The following LRRC7 variants were observed in gnomAD, a reference collection of about 807,000 sequenced individuals.
The protein encoded by LRRC7 is leucine-rich repeat-containing protein 7.
In LRRC7, 23 loss-of-function variants were observed where a neutral mutation model predicts 175.7. That is an observed-to-expected ratio of 0.13 (90% CI 0.09 to 0.19). The LOEUF is 0.19. LRRC7 is among the 10% of genes least tolerant of loss of function. The pLI is 1.00. For missense variants in LRRC7, 1,354 were observed against 1,904.7 expected (o/e 0.71, Z 5.38); for synonymous variants, 685 against 680.9 (o/e 1.01, Z -0.09).
chr1:69,992,174 A>T (rs1393544878), intron 10 of LRRC7, among the ~76,000 whole-genome samples: 1 of 152,158 alleles, frequency 6.6e-6, no homozygotes, highest in Non-Finnish European at 1.5e-5. Context: ...CTATTGTTAC[A>T]ATATAATATT....
At chr1:69,587,951 G>T (rs572190265) in intron 1 of LRRC7, among the ~76,000 whole-genome samples, 1 of 152,068 alleles carries the variant, frequency 6.6e-6, no homozygotes, top group African/African-American at 2.4e-5. Flanking sequence ...GGACTAATAC[G>T]CCTTCCTATG....
chr1:69,950,747 G>A (rs760638871), intron 8 of LRRC7, among the ~76,000 whole-genome samples: 1 of 151,930 alleles, frequency 6.6e-6, no homozygotes, highest in Admixed American at 6.6e-5. Flanking sequence ...CAGAACTAAG[G>A]TGGAAACAGA....
In LRRC7 at chr1:70,038,098, C is replaced by T; in HGVS notation, c.2289-15C>T. On this transcript the variant is annotated splice_polypyrimidine_tract_variant and intron_variant, in intron 20 of 26. Transcript: ENST00000651989. ...CTTCGTCCTTTTCAATTTCTTCTTCCCATTGTGTTCACAGGATTGCACCAT... is the reference window on the plus strand; with the variant it reads ...CTTCGTCCTTTTCAATTTCTTCTTCTCATTGTGTTCACAGGATTGCACCAT... 1 of 1,575,522 alleles carries T rather than the reference C, an allele frequency of 6.3e-7. No individual in the cohort carries two copies. Among genetic ancestry groups the T allele is most frequent in the East Asian group, 2.2e-5 (1 of 44,574 alleles).
At chr1:69,833,609 C>T (rs1570224930) in intron 5 of LRRC7, among the ~76,000 whole-genome samples, 2 of 151,714 alleles carry the variant, frequency 1.3e-5, no homozygotes, top group East Asian at 3.9e-4. Flanking sequence ...GAAGATAAAC[C>T]ATGGAATAAA....
At chr1:69,923,788 CAG>C in intron 7 of LRRC7, among the ~76,000 whole-genome samples, 1 of 152,102 alleles carries the variant, frequency 6.6e-6, no homozygotes, top group Non-Finnish European at 1.5e-5. Context: ...TTTTGCTGTG[CAG>C]AAGCTCTTTA....
At position 70,140,413 on chromosome 1, in the gene LRRC7, C is replaced by A. The variant is rs1357670343; in HGVS notation, c.*18526C>A. ...TTCATTGATCTGGCCACATAAGGAACATCCTGTTTCTTTAAATCCTCAATG... is the reference window on the plus strand; with the variant it reads ...TTCATTGATCTGGCCACATAAGGAAAATCCTGTTTCTTTAAATCCTCAATG... On this transcript the variant is annotated 3_prime_UTR_variant, in exon 27 of 27. Transcript: ENST00000651989. 1 of 152,152 alleles carries A rather than the reference C, an allele frequency of 6.6e-6. No homozygotes were observed. Among genetic ancestry groups the A allele is most frequent in the Non-Finnish European group, 1.5e-5 (1 of 68,010 alleles). 9.4% of individuals were successfully genotyped at this position (152,152 alleles called of 1,614,324 possible).
At chr1:69,646,036 A>G (rs2100455949) in intron 1 of LRRC7, among the ~76,000 whole-genome samples, 1 of 152,246 alleles carries the variant, frequency 6.6e-6, no homozygotes, top group East Asian at 1.9e-4. Flanking sequence ...AAATTTTGGA[A>G]GTCAAGTTAT....
At position 69,994,527 on chromosome 1, in the gene LRRC7, C is replaced by T. The variant is rs375578941; in HGVS notation, c.932-34C>T. 1.9e-4 allele frequency: 262 copies of T among 1,356,594 alleles called. 2 individuals are homozygous for T. Among genetic ancestry groups the T allele is most frequent in the Non-Finnish European group, 2.5e-4 (239 of 949,592 alleles). The allele number at this position is 1,356,594 out of a possible 1,614,324, so 84.0% of individuals were successfully genotyped here. Reference sequence around the variant, plus strand: ...ATCACATTTCCTGTCATAATCTGCTCTTATGTATTAATCAACCTTCTTCTC... The same window carrying T: ...ATCACATTTCCTGTCATAATCTGCTTTTATGTATTAATCAACCTTCTTCTC... On this transcript the variant is annotated intron_variant, in intron 10 of 26. Coordinates refer to ENST00000651989, the MANE Select transcript of LRRC7 (RefSeq NM_001370785.2).
intron 8 of LRRC7, among the ~76,000 whole-genome samples, chr1:69,935,029 A>C (rs1189031395): frequency 6.6e-6 from 1 of 152,232 alleles, no homozygotes; most frequent in African/African-American, 2.4e-5. Context: ...AGCCCAGCCC[A>C]GAGGAGACTA....
intron 23 of LRRC7, among the ~76,000 whole-genome samples, chr1:70,072,269 C>T (rs1662445233): frequency 6.6e-6 from 1 of 152,148 alleles, no homozygotes; most frequent in South Asian, 2.1e-4. Flanking sequence ...TGTTCAAATT[C>T]CCCTTCAGTA....
intron 2 of LRRC7, among the ~76,000 whole-genome samples, chr1:69,749,013 T>C (rs1451812163): frequency 6.6e-6 from 1 of 152,162 alleles, no homozygotes; most frequent in Non-Finnish European, 1.5e-5. Context: ...GCCAAACTCT[T>C]CAAGAAACAT....
intron 7 of LRRC7, among the ~76,000 whole-genome samples, chr1:69,888,775 G>C (rs1245137898): frequency 6.6e-6 from 1 of 152,106 alleles, no homozygotes; most frequent in African/African-American, 2.4e-5. Context: ...GCTGTTTGGG[G>C]GTAGGGAAGA....
At chr1:70,011,994 G>C in intron 12 of LRRC7, 68 bp downstream of exon 12, 1 of 1,122,582 alleles carries the variant, frequency 8.9e-7, no homozygotes, top group South Asian at 1.3e-5. Context: ...AATCTTAACA[G>C]GTAGAATAGC....
intron 23 of LRRC7, 133 bp downstream of exon 23, chr1:70,053,278 G>A (rs934900618): frequency 3.0e-5 from 23 of 768,788 alleles, no homozygotes; most frequent in African/African-American, 2.0e-4. Flanking sequence ...GCTACTACAC[G>A]AGTTTGGTTG....
In LRRC7 at chr1:69,886,888, G is replaced by A. The variant is rs951227455; in HGVS notation, c.648-44619G>A. On this transcript the variant is annotated intron_variant, in intron 7 of 26. Coordinates refer to ENST00000651989, the MANE Select transcript of LRRC7 (RefSeq NM_001370785.2). ...TCCTTCACTTATGAAGCTTAGTTTG[G>A]CTGGATATGAAATTCTGGGTCGAAA... Among the ~76,000 whole-genome samples the A allele has an allele frequency of 1.5e-3, 220 of 151,570 alleles. 1 individual carries two copies. Among genetic ancestry groups the A allele is most frequent in the African/African-American group, 4.8e-3 (197 of 41,296 alleles).
chr1:69,690,992 T>G (rs999320721), intron 2 of LRRC7, among the ~76,000 whole-genome samples: 6 of 152,128 alleles, frequency 3.9e-5, no homozygotes, highest in African/African-American at 1.2e-4. Flanking sequence ...GTTTTACTAG[T>G]ATGCAGGACC....
chr1:69,848,023 C>T (rs1682569484), intron 7 of LRRC7, among the ~76,000 whole-genome samples: 4 of 152,042 alleles, frequency 2.6e-5, no homozygotes. Context: ...CTCGAAGCAT[C>T]TTTCTTGAGA....
intron 6 of LRRC7, 136 bp from the exon 7 acceptor site, chr1:69,838,091 C>A (rs1681318618): frequency 1.8e-6 from 1 of 558,504 alleles, no homozygotes; most frequent in Non-Finnish European, 3.2e-6. Flanking sequence ...TATTCCAATT[C>A]TACTTTTTTA....
At position 69,879,235 on chromosome 1, in the gene LRRC7, AAG is replaced by A. The variant is rs1553167640; in HGVS notation, c.647+40954_647+40955del. 2.3e-4 allele frequency among the ~76,000 whole-genome samples: 33 copies of A among 142,124 alleles called. 1 individual carries two copies. The highest frequency in any genetic ancestry group is 2.5e-4 in the African/African-American group (10 of 40,116). 93.2% of individuals were successfully genotyped at this position (142,124 alleles called of 152,430 possible). ...TTTAAAAAAAAAAAAAAAAAAAAAA[AAG>A]ACTGCGCACTGGCCAGAATATGCCT... On this transcript the variant is annotated intron_variant, in intron 7 of 26. Coordinates refer to ENST00000651989, the MANE Select transcript of LRRC7 (RefSeq NM_001370785.2).
Sources: allele counts gnomAD v4.1 joint callset (sites outside exome capture counted in the v4.1 genomes callset), GRCh38; gene constraint gnomAD v4.1.1; transcripts MANE v1.5; gene names NCBI Gene and HGNC (gene_info 2026-07-23, HGNC 2026-07-21).